PLPPR5: variants seen among roughly 807,000 people sequenced by gnomAD.
The protein encoded by PLPPR5 is phospholipid phosphatase-related protein type 5.
In PLPPR5, 16 loss-of-function variants were observed where a neutral mutation model predicts 33.9. The observed-to-expected ratio is 0.47, with a 90% confidence interval of 0.32 to 0.72. The LOEUF is 0.72. Among genes scored for constraint, PLPPR5 ranks in the 30% least tolerant of loss-of-function variants. The pLI is 0.03. For missense variants in PLPPR5, 301 were observed against 406.7 expected, an observed-to-expected ratio of 0.74 and a Z score of 2.23; for synonymous variants, 163 against 150.3, an observed-to-expected ratio of 1.08 and a Z score of -0.62.
At chr1:98,968,745 A>G (rs370652708) in intron 1 of PLPPR5, among the ~76,000 whole-genome samples, 2 of 152,080 alleles carry the variant, frequency 1.3e-5, no homozygotes, top group African/African-American at 4.8e-5. Context: ...TAAAAAATGT[A>G]AAAAGATTCA....
At chr1:98,967,733 G>A (rs1651499730) in intron 1 of PLPPR5, among the ~76,000 whole-genome samples, 1 of 152,024 alleles carries the variant, frequency 6.6e-6, no homozygotes, top group East Asian at 1.9e-4. Context: ...TCATAGAAAT[G>A]AGGTTATTGT....
intron 1 of PLPPR5, among the ~76,000 whole-genome samples, chr1:98,993,666 C>T (rs1377085475): frequency 6.6e-6 from 1 of 152,050 alleles, no homozygotes; most frequent in Non-Finnish European, 1.5e-5. Context: ...TGCATTATCT[C>T]TATCCAGGAC....
intron 1 of PLPPR5, among the ~76,000 whole-genome samples, chr1:98,977,651 G>C (rs1170888279): frequency 6.6e-6 from 1 of 150,626 alleles, no homozygotes; most frequent in East Asian, 2.0e-4. Flanking sequence ...AACCTTATCT[G>C]GTTCCTCATG....
chr1:98,969,065 A>G (rs17119315), intron 1 of PLPPR5, among the ~76,000 whole-genome samples: 14,523 of 152,114 alleles, frequency 0.095, 855 homozygotes, highest in East Asian at 0.25. Flanking sequence ...TGTTAAAGAA[A>G]ATTGTTAACT....
chr1:98,993,987 G>T (rs974186270), intron 1 of PLPPR5, among the ~76,000 whole-genome samples: 1 of 152,054 alleles, frequency 6.6e-6, no homozygotes, highest in Admixed American at 6.6e-5. Flanking sequence ...GGGTACATTT[G>T]TACATAACTG....
At chr1:98,955,033 A>T (rs1473788765) in intron 2 of PLPPR5, among the ~76,000 whole-genome samples, 4 of 152,082 alleles carry the variant, frequency 2.6e-5, no homozygotes, top group African/African-American at 4.8e-5. Context: ...AAAGAAAATT[A>T]TTAAAGTGAG....
At chr1:98,991,886 G>T (rs1487048713) in intron 1 of PLPPR5, among the ~76,000 whole-genome samples, 2 of 152,130 alleles carry the variant, frequency 1.3e-5, no homozygotes, top group Admixed American at 6.6e-5. Flanking sequence ...TTTCTCAAGG[G>T]CTTATAGCTA....
intron 4 of PLPPR5, among the ~76,000 whole-genome samples, chr1:98,915,817 C>T (rs188374665): frequency 1.5e-4 from 23 of 152,024 alleles, no homozygotes; most frequent in Non-Finnish European, 2.9e-4. Context: ...AAAATGCATT[C>T]GAGAAGCTTC....
chr1:98,966,142 A>C (rs1651443947), intron 1 of PLPPR5, among the ~76,000 whole-genome samples: 1 of 152,230 alleles, frequency 6.6e-6, no homozygotes, highest in Non-Finnish European at 1.5e-5. Context: ...TAGAATTTTT[A>C]AAACAATGTA....
chr1:98,954,380 G>A (rs1049340668), intron 2 of PLPPR5, among the ~76,000 whole-genome samples: 2 of 152,036 alleles, frequency 1.3e-5, no homozygotes, highest in African/African-American at 4.8e-5. Context: ...TTATTAAAAT[G>A]TCATATACTT....
rs546431567 is a variant in PLPPR5, at chr1:98,929,728, CTATT to C, written c.622-7674_622-7671del. On this transcript the variant is annotated intron_variant, in intron 3 of 5. Coordinates refer to ENST00000263177, the MANE Select transcript of PLPPR5 (RefSeq NM_001037317.2). ...AGCCATGGCTGATATTACATGGAGA[CTATT>C]TATCTCCAGTATGACTCCCCCCTGA... 6.5e-4 allele frequency among the ~76,000 whole-genome samples: 99 copies of C among 152,292 alleles called. 1 individual carries two copies. The highest frequency in any genetic ancestry group is 4.3e-3 in the Admixed American group (66 of 15,306).
At chr1:98,924,828 A>G (rs2101166552) in intron 3 of PLPPR5, among the ~76,000 whole-genome samples, 1 of 152,320 alleles carries the variant, frequency 6.6e-6, no homozygotes, top group South Asian at 2.1e-4. Flanking sequence ...CTTCTATTTT[A>G]GGAATAGCCT....
intron 3 of PLPPR5, among the ~76,000 whole-genome samples, chr1:98,923,602 C>T (rs1045821537): frequency 2.0e-5 from 3 of 151,906 alleles, no homozygotes; most frequent in African/African-American, 7.3e-5. Context: ...CCAAGTGATA[C>T]AAGGCATCTC....
rs118047010 is a variant in PLPPR5, at chr1:98,952,339, C to T, written c.621+731G>A. ...AGCCTACAGGGAACGCGTTAGGAGT[C>T]CACCTCCTGAGCTGCAAGGTACATC... On this transcript the variant is annotated intron_variant, in intron 3 of 5. Coordinates refer to ENST00000263177, the MANE Select transcript of PLPPR5 (RefSeq NM_001037317.2). Among the ~76,000 whole-genome samples, 73 of 151,934 alleles carry T rather than the reference C, an allele frequency of 4.8e-4. 1 individual carries two copies. The East Asian group carries it at 0.014, about 29-fold the overall frequency.
chr1:98,998,635 A>G (rs1388559961), intron 1 of PLPPR5, among the ~76,000 whole-genome samples: 1 of 152,186 alleles, frequency 6.6e-6, no homozygotes, highest in South Asian at 2.1e-4. Flanking sequence ...ACTAATTAAC[A>G]TGTTAGGATA....
At chr1:98,939,918 G>A (rs889091929) in intron 3 of PLPPR5, among the ~76,000 whole-genome samples, 1 of 151,864 alleles carries the variant, frequency 6.6e-6, no homozygotes, top group African/African-American at 2.4e-5. Context: ...TTATCGTAGA[G>A]AACGCTAATG....
At chr1:98,936,391 T>C (rs976837035) in intron 3 of PLPPR5, among the ~76,000 whole-genome samples, 3 of 152,184 alleles carry the variant, frequency 2.0e-5, no homozygotes, top group Admixed American at 6.5e-5. Flanking sequence ...TAAGCAGCCA[T>C]AGACTCAGCT....
intron 1 of PLPPR5, among the ~76,000 whole-genome samples, chr1:98,988,052 A>G (rs1652320183): frequency 6.6e-6 from 1 of 152,096 alleles, no homozygotes; most frequent in Admixed American, 6.6e-5. Flanking sequence ...TTCTGCTTAT[A>G]ACAGTATAGA....
chr1:98,983,953 T>C (rs1652153249), intron 1 of PLPPR5, among the ~76,000 whole-genome samples: 1 of 151,754 alleles, frequency 6.6e-6, no homozygotes. Context: ...TTTCTTTTTT[T>C]TTTTTTGAAA....
Sources: gnomAD v4.1 joint callset for allele counts (sites outside exome capture counted in the v4.1 genomes callset) on GRCh38, gnomAD v4.1.1 for gene constraint, MANE v1.5 for transcripts, NCBI Gene and HGNC (gene_info 2026-07-23, HGNC 2026-07-21) for gene names.